RADIL: variants seen among roughly 807,000 people sequenced by gnomAD.
RADIL encodes ras-associating and dilute domain-containing protein.
A neutral mutation model predicts 97.6 loss-of-function variants in RADIL; 99 were observed. That is an observed-to-expected ratio of 1.01 (90% CI 0.86 to 1.20). The LOEUF is 1.20. RADIL is among the 50% of genes most tolerant of loss of function. The pLI is 0.00. For missense variants in RADIL, 1,765 were observed against 1,498.9 expected, an observed-to-expected ratio of 1.18 and a Z score of -2.93; for synonymous variants, 803 against 691.8, an observed-to-expected ratio of 1.16 and a Z score of -2.52.
rs990798896 is a variant in RADIL, at chr7:4,837,159, T to G, written c.536-554A>C. Among the ~76,000 whole-genome samples the G allele has an allele frequency of 2.6e-5, 4 of 152,254 alleles. No individual in the cohort carries two copies. In the East Asian group the frequency reaches 5.8e-4, roughly 22 times the overall value. ...ACAGTCTCAGAGCAGGCAGCCTGCC[T>G]GTCAAATCCTCAGGCTGAGGGGACC... On this transcript the variant is annotated intron_variant, in intron 2 of 14. Coordinates refer to ENST00000399583, the MANE Select transcript of RADIL (RefSeq NM_018059.5). The surrounding 1 kb of genome is among the most constrained non-coding windows in gnomAD (Gnocchi z 5.6).
intron 2 of RADIL, chr7:4,858,897 G>T (rs1454231158): frequency 6.6e-6 from 1 of 152,120 alleles, no homozygotes; most frequent in Non-Finnish European, 1.5e-5. Flanking sequence ...AAGAGAGGGA[G>T]GCAAAAAGCT....
At position 4,799,319 on chromosome 7, in the gene RADIL, G is replaced by A. The variant is rs1413787719; in HGVS notation, c.*59C>T. 41 of 1,546,618 alleles carry A rather than the reference G, an allele frequency of 2.7e-5. No individual in the cohort carries two copies. Among genetic ancestry groups the A allele is most frequent in the Non-Finnish European group, 3.6e-5 (40 of 1,121,784 alleles). ...AAAACAGGGACGAAGGCGGGAGGAA[G>A]CCCAGTGTCACCAGGTGGGACCGGG... is the stretch of plus-strand genomic sequence containing the variant. On this transcript the variant is annotated 3_prime_UTR_variant, in exon 15 of 15. Coordinates refer to ENST00000399583, the MANE Select transcript of RADIL (RefSeq NM_018059.5).
At chr7:4,809,725 C>T (rs576707661) in intron 9 of RADIL, 313 of 787,530 alleles carry the variant, frequency 4.0e-4, no homozygotes, top group Non-Finnish European at 4.7e-4. Flanking sequence ...CTCTGTCGCC[C>T]AGGCCGGAGT....
At chr7:4,860,339 C>A in intron 2 of RADIL, 1 of 1,614,010 alleles carries the variant, frequency 6.2e-7, no homozygotes, top group Non-Finnish European at 8.5e-7. Flanking sequence ...AAGTTCCTTT[C>A]TTCTTAAATG....
chr7:4,852,553 ATCC>A (rs1418440614), intron 2 of RADIL, among the ~76,000 whole-genome samples: 15 of 152,152 alleles, frequency 9.9e-5, no homozygotes, highest in African/African-American at 3.6e-4. Context: ...GGTTCAAGCA[ATCC>A]TCCCATCTAA....
chr7:4,800,077 G>C, intron 13 of RADIL, 94 bp downstream of exon 13: 2 of 1,436,776 alleles, frequency 1.4e-6, no homozygotes, highest in Non-Finnish European at 1.8e-6. Flanking sequence ...CCTTCCTGTA[G>C]CCACGTGGCC....
chr7:4,805,049 G>A (rs938977164), intron 10 of RADIL, among the ~76,000 whole-genome samples: 1 of 152,122 alleles, frequency 6.6e-6, no homozygotes, highest in Non-Finnish European at 1.5e-5. Context: ...AGCTGAGATT[G>A]CACCACTGCA....
chr7:4,853,704 T>A (rs999929878), intron 2 of RADIL, among the ~76,000 whole-genome samples: 50 of 138,866 alleles, frequency 3.6e-4, no homozygotes, highest in African/African-American at 1.4e-3. Context: ...ATCACGCCAC[T>A]GCACTCCAGC....
In RADIL at chr7:4,854,853, A is replaced by G. The variant is rs934540879; in HGVS notation, c.536-18248T>C. ...AAAAGAATGCACTAGTTCCAGAGTC[A>G]CATCAACCCTCCCAAGCACATCTTC... On this transcript the variant is annotated intron_variant, in intron 2 of 14. Transcript: ENST00000399583. This position sits in a 1 kb window ranked among gnomAD's most constrained non-coding sequence, Gnocchi z 5.1. 7.2e-5 allele frequency among the ~76,000 whole-genome samples: 11 copies of G among 152,148 alleles called. No homozygotes were observed. Among genetic ancestry groups the G allele is most frequent in the African/African-American group, 2.7e-4 (11 of 41,430 alleles).
intron 12 of RADIL, among the ~76,000 whole-genome samples, chr7:4,800,628 A>T (rs891016169): frequency 6.6e-6 from 1 of 151,796 alleles, no homozygotes; most frequent in African/African-American, 2.4e-5. Context: ...CTCCTCAGCA[A>T]TCTCTGCTCC....
chr7:4,826,481 C>T (rs144768472), intron 5 of RADIL, among the ~76,000 whole-genome samples: 5,388 of 151,912 alleles, frequency 0.035, 317 homozygotes, highest in African/African-American at 0.12. Context: ...ACCTGTAATC[C>T]CAGCACTTTG....
chr7:4,799,413 C>G lies in RADIL; in HGVS notation c.3193G>C (p.Ala1065Pro), dbSNP rs1280368637. The G allele has an allele frequency of 6.2e-7, 1 of 1,613,702 alleles. No homozygotes were observed. The highest frequency in any genetic ancestry group is 2.2e-5 in the East Asian group (1 of 44,870). The change falls in exon 15 of 15, where the codon GCC (alanine) becomes CCC (proline). Residue 1065 changes from alanine (A) to proline (P), a missense_variant. Physicochemically the swap from Ala to Pro is conservative, Grantham distance 27 (BLOSUM62 -1). Transcript: ENST00000399583. ...GGCGTGCGGAAATGGATCTTCTTGG[C>G]TGTTTCCACGTCGGACTTCGCGACC... ...FLVAKSDVETAKKIHFRTPPL is the reference protein window; with the variant it reads ...FLVAKSDVETPKKIHFRTPPL
In RADIL at chr7:4,879,705, A is replaced by T. The variant is rs1221138972; in HGVS notation, c.-64-1502T>A. Among the ~76,000 whole-genome samples, 1 of 152,184 alleles carries T rather than the reference A, an allele frequency of 6.6e-6. No individual in the cohort carries two copies. On this transcript the variant is annotated intron_variant, in intron 1 of 14. Transcript: ENST00000399583. The surrounding 1 kb of genome is among the most constrained non-coding windows in gnomAD (Gnocchi z 4.1). ...ACGGTGGCTGCCTAGGGCCACAGAAAGCAACCAGGGAACCCCTCCAAAGAA... is the reference window on the plus strand; with the variant it reads ...ACGGTGGCTGCCTAGGGCCACAGAATGCAACCAGGGAACCCCTCCAAAGAA...
chr7:4,835,052 T>C lies in RADIL; in HGVS notation c.971A>G (p.His324Arg). 6.2e-7 allele frequency: 1 copy of C among 1,608,928 alleles called. No homozygotes were observed. The highest frequency in any genetic ancestry group is 8.5e-7 in the Non-Finnish European group (1 of 1,178,220). Residue 324 changes from histidine to arginine, a missense_variant, in exon 4 of 15, where the codon CAC becomes CGC. His to Arg is a conservative substitution (Grantham distance 29, BLOSUM62 0). Coordinates refer to ENST00000399583, the MANE Select transcript of RADIL (RefSeq NM_018059.5). The surrounding 1 kb of genome is among the most constrained non-coding windows in gnomAD (Gnocchi z 5.8). The stretch of plus-strand genomic sequence containing the variant: ...CACCTCGGAGAAGTTGACGGAGATG[T>C]GCGCCCCGGGGATGGGCTCCAGGAC... ...RLVLEPIPGA[H>R]ISVNFSEVGH...
chr7:4,834,851 G>A lies in RADIL; in HGVS notation c.1172C>T (p.Ala391Val), dbSNP rs932442168. ...LCGAALGARG[A>V]ASPTQAALPR... Reference sequence around the variant, plus strand: ...CAGGGCGGCCTGAGTAGGGGAGGCGGCTCCCCGGGCCCCGAGCGCGGCCCC... The same window carrying A: ...CAGGGCGGCCTGAGTAGGGGAGGCGACTCCCCGGGCCCCGAGCGCGGCCCC... Residue 391 changes from alanine to valine, a missense_variant, in exon 4 of 15, where the codon GCC becomes GTC. By Grantham distance (64) the Ala-to-Val change is moderately conservative (BLOSUM62 0). Coordinates refer to ENST00000399583, the MANE Select transcript of RADIL (RefSeq NM_018059.5). This position sits in a 1 kb window ranked among gnomAD's most constrained non-coding sequence, Gnocchi z 6.0. 1 of 1,316,308 alleles carries A rather than the reference G, an allele frequency of 7.6e-7. No homozygotes were observed. The highest frequency in any genetic ancestry group is 9.7e-7 in the Non-Finnish European group (1 of 1,032,144). 81.5% of individuals were successfully genotyped at this position (1,316,308 alleles called of 1,614,324 possible). A position where few individuals can be genotyped will look rare whatever the true frequency, so the allele number is the denominator to read the frequency against.
intron 5 of RADIL, among the ~76,000 whole-genome samples, chr7:4,825,209 A>G (rs1050257244): frequency 1.1e-4 from 17 of 152,136 alleles, no homozygotes; most frequent in African/African-American, 3.9e-4. Flanking sequence ...GCAGAGGGGA[A>G]GGGCACTCAG....
chr7:4,841,110 A>G (rs933358901), intron 2 of RADIL, among the ~76,000 whole-genome samples: 3 of 152,224 alleles, frequency 2.0e-5, no homozygotes, highest in African/African-American at 7.2e-5. Context: ...AAAGCGCCAG[A>G]CCCTGCTGTG....
Position 4,797,661 on chromosome 7 carries a change from CA to C in RADIL, c.*1716del, listed in dbSNP as rs1293616246. The stretch of plus-strand genomic sequence containing the variant: ...TGAGACATTCTCGGCAGTGCTAACA[CA>C]CACGTTGTGGGACTCCTAGGAAAAG... On this transcript the variant is annotated 3_prime_UTR_variant, in exon 15 of 15. Coordinates refer to ENST00000399583, the MANE Select transcript of RADIL (RefSeq NM_018059.5). 2 of 152,252 alleles carry C rather than the reference CA, an allele frequency of 1.3e-5. No homozygotes were observed. Among genetic ancestry groups the C allele is most frequent in the African/African-American group, 4.8e-5 (2 of 41,448 alleles). 9.4% of individuals were successfully genotyped at this position (152,252 alleles called of 1,614,324 possible).
intron 2 of RADIL, among the ~76,000 whole-genome samples, chr7:4,862,410 G>T (rs753098019): frequency 3.3e-5 from 5 of 152,172 alleles, no homozygotes; most frequent in Non-Finnish European, 5.9e-5. Flanking sequence ...TTTAGCTGGG[G>T]CAGCATTTCG....
Sources: allele counts gnomAD v4.1 joint callset (sites outside exome capture counted in the v4.1 genomes callset), GRCh38; gene constraint gnomAD v4.1.1; non-coding constraint Gnocchi (gnomAD v3.1); transcripts MANE v1.5; gene names NCBI Gene and HGNC (gene_info 2026-07-23, HGNC 2026-07-21).